The following CTTN variants were observed in gnomAD, a reference collection of about 807,000 sequenced individuals.
The protein encoded by CTTN is cortactin, also known as src substrate cortactin.
In CTTN, 28 loss-of-function variants were observed where a neutral mutation model predicts 84.0. The observed-to-expected ratio is 0.33, with a 90% CI of 0.25 to 0.46. The LOEUF is 0.46. Ranked by LOEUF, CTTN falls within the 20% of genes least tolerant of loss-of-function variation. The pLI is 1.00. For missense variants in CTTN, 641 were observed against 723.8 expected, an observed-to-expected ratio of 0.89 and a Z score of 1.31; for synonymous variants, 301 against 288.8, an observed-to-expected ratio of 1.04 and a Z score of -0.43.
intron 17 of CTTN, among the ~76,000 whole-genome samples, chr11:70,434,276 C>T (rs191082434): frequency 1.4e-4 from 21 of 152,352 alleles, no homozygotes; most frequent in African/African-American, 4.1e-4. Context: ...GGAGACCATG[C>T]GGTGGGGCTC....
chr11:70,407,332 T>C lies in CTTN; in HGVS notation c.35T>C (p.Ile12Thr). The part of the protein sequence containing the change: ...WKASAGHAVS[I>T]AQDDAGADDW... ...GCTTCAGCAGGCCACGCTGTGTCCA[T>C]CGCCCAGGATGACGCGGGGGCCGAT... The change falls in exon 3 of 18, where the codon ATC becomes ACC. Residue 12 changes from isoleucine to threonine, a missense_variant. Coordinates refer to ENST00000301843, the MANE Select transcript of CTTN (RefSeq NM_005231.4). 6.4e-7 allele frequency: 1 copy of C among 1,557,384 alleles called. No individual in the cohort carries two copies. Among genetic ancestry groups the C allele is most frequent in the Admixed American group, 1.9e-5 (1 of 51,354 alleles).
chr11:70,433,632 A>G lies in CTTN; in HGVS notation c.1445-15A>G, dbSNP rs770054689. ...GGACTTTGTATTGTTCAGCTCTGTCATGGCTTTCTTTTAGAGGACAGCACC... is the reference window on the plus strand; with the variant it reads ...GGACTTTGTATTGTTCAGCTCTGTCGTGGCTTTCTTTTAGAGGACAGCACC... On this transcript the variant is annotated splice_polypyrimidine_tract_variant and intron_variant, in intron 16 of 17. Transcript: ENST00000301843. 1.2e-5 allele frequency: 19 copies of G among 1,592,532 alleles called. No homozygotes were observed. The highest frequency in any genetic ancestry group is 1.6e-5 in the Non-Finnish European group (18 of 1,160,858).
chr11:70,425,067 C>A (rs1018731964), intron 12 of CTTN, among the ~76,000 whole-genome samples: 2 of 152,110 alleles, frequency 1.3e-5, no homozygotes, highest in African/African-American at 4.8e-5. Context: ...TGAGGCTGAT[C>A]CCAGAATTGG....
intron 8 of CTTN, among the ~76,000 whole-genome samples, chr11:70,418,254 G>GTAGTTT: frequency 6.6e-6 from 1 of 152,244 alleles, no homozygotes; most frequent in Non-Finnish European, 1.5e-5. Context: ...GGCCTGGCCT[G>GTAGTTT]GCCTTGCCTT....
intron 1 of CTTN, among the ~76,000 whole-genome samples, chr11:70,402,302 C>A (rs994534021): frequency 6.6e-6 from 1 of 152,200 alleles, no homozygotes; most frequent in East Asian, 1.9e-4. Context: ...TTCTTTTGAA[C>A]CGTATTGTAA....
intron 5 of CTTN, among the ~76,000 whole-genome samples, chr11:70,413,994 T>G (rs2058125985): frequency 6.6e-6 from 1 of 152,146 alleles, no homozygotes; most frequent in Admixed American, 6.5e-5. Context: ...GGCCCCGACC[T>G]GTGTCCAGGG....
intron 13 of CTTN, among the ~76,000 whole-genome samples, chr11:70,428,376 G>T (rs540814276): frequency 1.3e-5 from 2 of 152,096 alleles, no homozygotes; most frequent in Admixed American, 1.3e-4. Context: ...ATGTTGGCCA[G>T]GATGGTCTTG....
intron 4 of CTTN, among the ~76,000 whole-genome samples, chr11:70,409,527 A>C (rs1350676995): frequency 6.6e-6 from 1 of 152,152 alleles, no homozygotes; most frequent in Non-Finnish European, 1.5e-5. Context: ...CTGCGTGTGA[A>C]ATAAAGGTCA....
chr11:70,425,442 AG>A, intron 13 of CTTN, 41 bp downstream of exon 13: 1 of 1,484,850 alleles, frequency 6.7e-7, no homozygotes, highest in Non-Finnish European at 9.3e-7. Flanking sequence ...GTGGTTTCCC[AG>A]GAAAACACTG....
chr11:70,420,689 A>T (rs1187544779), intron 10 of CTTN, among the ~76,000 whole-genome samples, 179 bp downstream of exon 10: 1 of 152,226 alleles, frequency 6.6e-6, no homozygotes, highest in African/African-American at 2.4e-5. Flanking sequence ...TGTAGTCACA[A>T]ACCCTCCCTG....
intron 4 of CTTN, among the ~76,000 whole-genome samples, chr11:70,409,361 A>G (rs1334431457): frequency 6.6e-6 from 1 of 152,166 alleles, no homozygotes; most frequent in African/African-American, 2.4e-5. Flanking sequence ...CTTTCCTCTC[A>G]TCTTTGAATG....
Position 70,435,524 on chromosome 11 carries a change from C to T in CTTN, c.*362C>T, listed in dbSNP as rs767896485. 45 of 1,561,478 alleles carry T rather than the reference C, an allele frequency of 2.9e-5. No individual in the cohort carries two copies. Among genetic ancestry groups the T allele is most frequent in the African/African-American group, 8.1e-5 (6 of 73,974 alleles). On this transcript the variant is annotated 3_prime_UTR_variant, in exon 18 of 18. Transcript: ENST00000301843. ...TGCCCTCGTGCCCATCAAGTGCAGT[C>T]GGGACCTCCCAGGACAAGCACGAGG...
At chr11:70,413,959 G>A (rs567805087) in intron 5 of CTTN, among the ~76,000 whole-genome samples, 15 of 152,192 alleles carry the variant, frequency 9.9e-5, no homozygotes, top group East Asian at 1.9e-4. Context: ...CTTCATGCCC[G>A]GTCGTGTCAG....
At chr11:70,420,011 A>C (rs1402790433) in intron 9 of CTTN, 155 bp downstream of exon 9, 1 of 643,924 alleles carries the variant, frequency 1.6e-6, no homozygotes, top group African/African-American at 1.8e-5. Flanking sequence ...ACATCCAGAA[A>C]CACAGCTGCT....
chr11:70,422,138 C>G (rs2058243773), intron 11 of CTTN: 1 of 284,514 alleles, frequency 3.5e-6, no homozygotes, highest in Non-Finnish European at 7.0e-6. Flanking sequence ...TGTGTAACAT[C>G]TCCACACAGA....
intron 13 of CTTN, among the ~76,000 whole-genome samples, chr11:70,428,679 C>T (rs1000011739): frequency 6.6e-6 from 1 of 152,204 alleles, no homozygotes; most frequent in Non-Finnish European, 1.5e-5. Flanking sequence ...TTACTATACT[C>T]AGTATACGTC....
intron 4 of CTTN, chr11:70,407,914 T>G (rs1472367702): frequency 3.3e-6 from 1 of 299,798 alleles, no homozygotes; most frequent in African/African-American, 2.2e-5. Flanking sequence ...GTCCCTAAGC[T>G]CTACCTTACA....
At chr11:70,434,998 G>A (rs766332582) in intron 17 of CTTN, 28 bp from the exon 18 acceptor site, 15 of 1,612,050 alleles carry the variant, frequency 9.3e-6, no homozygotes, top group Non-Finnish European at 1.3e-5. Flanking sequence ...TTGCACTTCA[G>A]CATCTTTCTC....
chr11:70,417,474 G>T (rs1002727692), intron 8 of CTTN, among the ~76,000 whole-genome samples: 38 of 151,886 alleles, frequency 2.5e-4, no homozygotes, highest in African/African-American at 8.0e-4. Context: ...TAAGTGCTGG[G>T]ATTACAGGTG....
Sources: gnomAD v4.1 joint callset for allele counts (sites outside exome capture counted in the v4.1 genomes callset) on GRCh38, gnomAD v4.1.1 for gene constraint, MANE v1.5 for transcripts, NCBI Gene and HGNC (gene_info 2026-07-23, HGNC 2026-07-21) for gene names.